Variants in GRM7 observed in about 807,000 individuals in gnomAD.
GRM7 encodes the protein glutamate metabotropic receptor 7.
GRM7 carries 35 observed loss-of-function variants against 84.5 expected under a neutral mutation model. The observed-to-expected ratio is 0.41, with a 90% CI of 0.32 to 0.55. The LOEUF (loss-of-function observed/expected upper bound fraction) is 0.55. GRM7 is among the 20% of genes least tolerant of loss of function. The pLI, the probability that GRM7 is intolerant of heterozygous loss-of-function variation, is 0.19. For missense variants in GRM7, 1,003 were observed against 1,194.6 expected (o/e 0.84, Z 2.36); for synonymous variants, 487 against 455.1 (o/e 1.07, Z -0.89).
At chr3:7,605,134 C>T (rs1696503547) in intron 8 of GRM7, among the ~76,000 whole-genome samples, 2 of 151,948 alleles carry the variant, frequency 1.3e-5, no homozygotes. Context: ...TGAAAAACTG[C>T]CCAGATGATG....
intron 1 of GRM7, among the ~76,000 whole-genome samples, chr3:6,923,850 TATC>T (rs758336026): frequency 2.6e-4 from 39 of 152,232 alleles, no homozygotes; most frequent in Admixed American, 2.6e-4. Context: ...GCTGAACACA[TATC>T]ATGTCTTTGA....
At chr3:7,676,436 T>TAAAAA (rs1700124267) in intron 8 of GRM7, among the ~76,000 whole-genome samples, 1 of 152,168 alleles carries the variant, frequency 6.6e-6, no homozygotes, top group Admixed American at 6.5e-5. Flanking sequence ...TTTATCATGC[T>TAAAAA]TATTCTTTGT....
intron 4 of GRM7, among the ~76,000 whole-genome samples, chr3:7,400,375 C>G (rs1377535839): frequency 6.6e-6 from 1 of 152,174 alleles, no homozygotes; most frequent in Non-Finnish European, 1.5e-5. Flanking sequence ...AGTATGCATT[C>G]TAAGAACCAA....
chr3:6,917,499 T>C (rs1219098061), intron 1 of GRM7, among the ~76,000 whole-genome samples: 2 of 126,568 alleles, frequency 1.6e-5, no homozygotes, highest in African/African-American at 5.5e-5. Flanking sequence ...AATTGCTTTT[T>C]TTTTTTTTTT....
intron 7 of GRM7, among the ~76,000 whole-genome samples, chr3:7,571,625 T>A (rs1369726200): frequency 6.6e-6 from 1 of 152,184 alleles, no homozygotes; most frequent in South Asian, 2.1e-4. Flanking sequence ...AGTTCCAAAC[T>A]TTCCCACATT....
chr3:7,396,069 A>G (rs974012288), intron 4 of GRM7, among the ~76,000 whole-genome samples: 2 of 152,132 alleles, frequency 1.3e-5, no homozygotes, highest in African/African-American at 4.8e-5. Context: ...AAAAATTAAA[A>G]CCAATATTTT....
chr3:6,903,310 A>G (rs1363153201), intron 1 of GRM7, among the ~76,000 whole-genome samples: 1 of 151,374 alleles, frequency 6.6e-6, no homozygotes. Flanking sequence ...CAATCTCCCA[A>G]CTCATCTCTA....
At chr3:7,621,582 ATCCAGT>A (rs1697359300) in intron 8 of GRM7, among the ~76,000 whole-genome samples, 1 of 152,154 alleles carries the variant, frequency 6.6e-6, no homozygotes, top group Admixed American at 6.6e-5. Flanking sequence ...TCTTACCCAT[ATCCAGT>A]TACAGAACCA....
chr3:7,708,836 G>GA lies in GRM7; in HGVS notation c.2698+28547dup, dbSNP rs201735549. ...GGGTTAGGGTGGAATTTCTTTATCA[G>GA]AAAAAATAAATGTAATTTATACATA... On this transcript the variant is annotated intron_variant, in intron 9 of 9. Transcript: ENST00000357716. 4.1e-4 allele frequency among the ~76,000 whole-genome samples: 62 copies of GA among 151,426 alleles called. 1 individual carries two copies. The East Asian group carries it at 0.012, about 29-fold the overall frequency.
In GRM7 at chr3:7,475,126, T is replaced by G. The variant is rs181322288; in HGVS notation, c.1515+13404T>G. ...ACAATGAGAAAGAAGTAACAAGCTT[T>G]GAACAAGGAAGACAGAAAGGATGTA... On this transcript the variant is annotated intron_variant, in intron 7 of 9. Transcript: ENST00000357716. Among the ~76,000 whole-genome samples, 915 of 152,298 alleles carry G rather than the reference T, an allele frequency of 6.0e-3. 11 individuals are homozygous for G. Among genetic ancestry groups the G allele is most frequent in the African/African-American group, 0.019 (806 of 41,564 alleles).
intron 4 of GRM7, among the ~76,000 whole-genome samples, chr3:7,403,939 T>G (rs892343516): frequency 6.6e-6 from 1 of 151,882 alleles, no homozygotes; most frequent in Non-Finnish European, 1.5e-5. Flanking sequence ...AATGGATATA[T>G]GAGCGATGAA....
intron 7 of GRM7, among the ~76,000 whole-genome samples, chr3:7,546,563 C>A (rs1464944153): frequency 6.6e-6 from 1 of 152,232 alleles, no homozygotes; most frequent in Non-Finnish European, 1.5e-5. Context: ...AAAAACAAAG[C>A]CTTCTCCTGA....
chr3:7,240,961 A>G (rs1391169081), intron 2 of GRM7, among the ~76,000 whole-genome samples: 1 of 152,178 alleles, frequency 6.6e-6, no homozygotes, highest in Non-Finnish European at 1.5e-5. Flanking sequence ...CCTAGGAGCA[A>G]TAGGCTATAC....
intron 2 of GRM7, among the ~76,000 whole-genome samples, chr3:7,197,968 G>T (rs534241373): frequency 5.3e-5 from 8 of 152,252 alleles, no homozygotes; most frequent in Admixed American, 5.2e-4. Context: ...GGGTACTCTG[G>T]TGGGAGAGTA....
chr3:6,878,101 T>C (rs1277472522), intron 1 of GRM7, among the ~76,000 whole-genome samples: 1 of 152,130 alleles, frequency 6.6e-6, no homozygotes, highest in Non-Finnish European at 1.5e-5. Context: ...TAATCTTTAA[T>C]AGCTTCAGAA....
At chr3:7,064,479 T>TATATATACACACAC in intron 1 of GRM7, among the ~76,000 whole-genome samples, 4 of 99,382 alleles carry the variant, frequency 4.0e-5, no homozygotes, top group East Asian at 5.2e-4. Context: ...TATATATATA[T>TATATATACACACAC]ACACACATAT....
intron 1 of GRM7, among the ~76,000 whole-genome samples, chr3:7,103,898 G>A (rs1049784426): frequency 7.0e-6 from 1 of 143,582 alleles, no homozygotes; most frequent in African/African-American, 2.7e-5. Flanking sequence ...GACCATCATT[G>A]TATTTAGGTC....
At chr3:7,616,154 G>C (rs998972382) in intron 8 of GRM7, among the ~76,000 whole-genome samples, 1 of 151,982 alleles carries the variant, frequency 6.6e-6, no homozygotes, top group Non-Finnish European at 1.5e-5. Context: ...GAAAAAACAA[G>C]TTTCCTTTCC....
rs532272598 is a variant in GRM7, at chr3:6,923,915, T to A, written c.519+62008T>A. Among the ~76,000 whole-genome samples the A allele has an allele frequency of 5.3e-5, 8 of 152,348 alleles. No individual in the cohort carries two copies. In the South Asian group the frequency reaches 1.0e-3, roughly 20 times the overall value. Reference sequence around the variant, plus strand: ...TCACAGACATGTTCACATTTTCATTTATTTGCTTTTCTTCTGTTCACTCAT... The same window carrying A: ...TCACAGACATGTTCACATTTTCATTAATTTGCTTTTCTTCTGTTCACTCAT... On this transcript the variant is annotated intron_variant, in intron 1 of 9. Transcript: ENST00000357716.
Sources: gnomAD v4.1 joint callset for allele counts (sites outside exome capture counted in the v4.1 genomes callset) on GRCh38, gnomAD v4.1.1 for gene constraint, MANE v1.5 for transcripts, NCBI Gene and HGNC (gene_info 2026-07-23, HGNC 2026-07-21) for gene names.